Variants in PLS1 observed in about 807,000 individuals in gnomAD.
PLS1 encodes the protein plastin-1.
In PLS1, 32 loss-of-function variants were observed where a neutral mutation model predicts 73.7. The ratio of observed to expected loss-of-function variants is 0.43; its 90% CI spans 0.33 to 0.58. PLS1 has a LOEUF of 0.58. Ranked by LOEUF, PLS1 falls within the 20% of genes least tolerant of loss-of-function variation. The pLI, the probability that PLS1 is intolerant of heterozygous loss-of-function variation, is 0.04. For synonymous variants in PLS1, 217 were observed against 261.3 expected (o/e 0.83, Z 1.63); for missense variants, 633 against 740.5 (o/e 0.85, Z 1.68).
intron 1 of PLS1, among the ~76,000 whole-genome samples, chr3:142,627,545 T>C (rs1247964131): frequency 2.6e-5 from 4 of 152,220 alleles, no homozygotes; most frequent in Non-Finnish European, 1.5e-5. Context: ...TTTTTTCTTC[T>C]ATAGAATTCT....
At chr3:142,699,086 T>G (rs1310368270) in intron 12 of PLS1, among the ~76,000 whole-genome samples, 1 of 152,052 alleles carries the variant, frequency 6.6e-6, no homozygotes, top group Non-Finnish European at 1.5e-5. Context: ...GAACATCACA[T>G]ACCTGGACCT....
intron 5 of PLS1, among the ~76,000 whole-genome samples, chr3:142,676,529 G>A (rs574442015): frequency 6.6e-6 from 1 of 152,126 alleles, no homozygotes; most frequent in East Asian, 1.9e-4. Context: ...TATAATAATT[G>A]CCAGGAATCT....
At chr3:142,616,399 T>C (rs146083947) in intron 1 of PLS1, among the ~76,000 whole-genome samples, 1 of 152,272 alleles carries the variant, frequency 6.6e-6, no homozygotes, top group Non-Finnish European at 1.5e-5. Context: ...TAGAAAATAA[T>C]AGGTATTGTA....
intron 10 of PLS1, among the ~76,000 whole-genome samples, chr3:142,694,113 G>A (rs1165496507): frequency 2.7e-5 from 4 of 149,584 alleles, no homozygotes; most frequent in Middle Eastern, 3.4e-3. Context: ...CCCTGACTGC[G>A]AAAACATTTT....
At chr3:142,652,897 TTGAG>T (rs1322668062) in intron 1 of PLS1, among the ~76,000 whole-genome samples, 4 of 152,238 alleles carry the variant, frequency 2.6e-5, no homozygotes, top group Non-Finnish European at 4.4e-5. Flanking sequence ...ACCTCTGTGT[TTGAG>T]TGACCAAATC....
intron 1 of PLS1, chr3:142,597,419 C>T (rs1398986016): frequency 6.6e-6 from 1 of 151,832 alleles, no homozygotes; most frequent in African/African-American, 2.4e-5. Flanking sequence ...TAATGAAATT[C>T]TATAGTAAAG....
At chr3:142,674,441 TG>T (rs1222438093) in intron 4 of PLS1, among the ~76,000 whole-genome samples, 29 of 152,198 alleles carry the variant, frequency 1.9e-4, no homozygotes, top group African/African-American at 6.8e-4. Context: ...TTCTAGGAAC[TG>T]GGGCAACAAT....
chr3:142,685,939 G>A (rs894374991), intron 8 of PLS1, among the ~76,000 whole-genome samples: 2 of 152,184 alleles, frequency 1.3e-5, no homozygotes, highest in African/African-American at 4.8e-5. Context: ...GGGGTTCTTA[G>A]TTCATCCTAG....
At position 142,697,981 on chromosome 3, in the gene PLS1, C is replaced by G. The variant is rs765957648; in HGVS notation, c.1285C>G (p.Gln429Glu). Residue 429 changes from glutamine (Q) to glutamate (E), a missense_variant, in exon 12 of 16, where the codon CAG becomes GAG. Physicochemically the swap from Gln to Glu is conservative, Grantham distance 29. Coordinates refer to ENST00000457734, the MANE Select transcript of PLS1 (RefSeq NM_001145319.2). ...CCTTGCAGATGCTTTAGTGATCTTT[C>G]AGCTCTATGAGATGATCCGAGTGCC... Reference protein sequence around the residue: ...SDLADALVIFQLYEMIRVPVN... With the variant: ...SDLADALVIFELYEMIRVPVN... 6.2e-7 allele frequency: 1 copy of G among 1,612,720 alleles called. No homozygotes were observed. The highest frequency in any genetic ancestry group is 8.5e-7 in the Non-Finnish European group (1 of 1,178,960).
intron 14 of PLS1, among the ~76,000 whole-genome samples, chr3:142,709,635 C>T (rs181117550): frequency 3.7e-4 from 56 of 152,076 alleles, no homozygotes; most frequent in African/African-American, 1.3e-3. Context: ...GCTAACACGG[C>T]GAAACCCCAT....
At chr3:142,680,478 G>T (rs2037825832) in intron 6 of PLS1, among the ~76,000 whole-genome samples, 1 of 152,176 alleles carries the variant, frequency 6.6e-6, no homozygotes, top group South Asian at 2.1e-4. Flanking sequence ...TTATATTATT[G>T]TAATTGTTGA....
At chr3:142,675,147 A>C (rs1047082864) in intron 4 of PLS1, among the ~76,000 whole-genome samples, 1 of 152,212 alleles carries the variant, frequency 6.6e-6, no homozygotes, top group African/African-American at 2.4e-5. Context: ...ACAGCTCTCT[A>C]AACCTTTTGG....
At chr3:142,599,323 C>CTTTT (rs869303176) in intron 1 of PLS1, among the ~76,000 whole-genome samples, 4 of 44,208 alleles carry the variant, frequency 9.0e-5, no homozygotes, top group Admixed American at 2.8e-4. Context: ...CTCAGATATT[C>CTTTT]TTTTTTTTTT....
chr3:142,707,997 C>G (rs948036213), intron 14 of PLS1, among the ~76,000 whole-genome samples: 1 of 152,042 alleles, frequency 6.6e-6, no homozygotes, highest in Non-Finnish European at 1.5e-5. Context: ...CTTCAGTTTC[C>G]CCATATCTAA....
At chr3:142,614,082 T>C (rs1343401747) in intron 1 of PLS1, among the ~76,000 whole-genome samples, 2 of 152,226 alleles carry the variant, frequency 1.3e-5, no homozygotes, top group Non-Finnish European at 1.5e-5. Context: ...CCTTTTTATT[T>C]TGAGTCCCTT....
chr3:142,647,939 C>G (rs1484284699), intron 1 of PLS1, among the ~76,000 whole-genome samples: 1 of 152,124 alleles, frequency 6.6e-6, no homozygotes. Flanking sequence ...CTGAACCACT[C>G]AAGGCTCAGT....
chr3:142,671,509 G>A (rs1041701902), intron 4 of PLS1, among the ~76,000 whole-genome samples: 3 of 152,088 alleles, frequency 2.0e-5, no homozygotes, highest in South Asian at 2.1e-4. Flanking sequence ...AGCTAGGAAT[G>A]GGGGAGAGGC....
intron 10 of PLS1, among the ~76,000 whole-genome samples, chr3:142,693,439 C>A (rs1560072613): frequency 6.6e-6 from 1 of 152,170 alleles, no homozygotes; most frequent in Non-Finnish European, 1.5e-5. Flanking sequence ...CTGTGAGTCT[C>A]ACATGGGCCA....
intron 10 of PLS1, among the ~76,000 whole-genome samples, chr3:142,693,781 C>T (rs2038135560): frequency 6.6e-6 from 1 of 152,036 alleles, no homozygotes; most frequent in Non-Finnish European, 1.5e-5. Flanking sequence ...GAGTTATCTC[C>T]TTGAGGGGAT....
Sources: gnomAD v4.1 joint callset for allele counts (sites outside exome capture counted in the v4.1 genomes callset) on GRCh38, gnomAD v4.1.1 for gene constraint, MANE v1.5 for transcripts, NCBI Gene and HGNC (gene_info 2026-07-23, HGNC 2026-07-21) for gene names.